Variants in AKT3 observed in about 807,000 individuals in gnomAD.
AKT3 encodes the protein RAC-gamma serine/threonine-protein kinase.
A neutral mutation model predicts 65.3 loss-of-function variants in AKT3; 15 were observed. The ratio of observed to expected loss-of-function variants is 0.23; its 90% confidence interval spans 0.15 to 0.35. The LOEUF (loss-of-function observed/expected upper bound fraction) is 0.35. AKT3 is among the 10% of genes least tolerant of loss of function. The pLI is 1.00. For missense variants in AKT3, 243 were observed against 576.5 expected (o/e 0.42, Z 5.92); for synonymous variants, 206 against 183.8 (o/e 1.12, Z -0.98).
intron 6 of AKT3, among the ~76,000 whole-genome samples, chr1:243,618,733 T>C (rs954645037): frequency 3.3e-5 from 5 of 152,120 alleles, no homozygotes; most frequent in Non-Finnish European, 2.9e-5. Flanking sequence ...GGCAGAAGAA[T>C]AGTCTTTTTA....
At chr1:243,567,153 C>T (rs1240762551) in intron 9 of AKT3, among the ~76,000 whole-genome samples, 4 of 151,964 alleles carry the variant, frequency 2.6e-5, no homozygotes, top group Non-Finnish European at 5.9e-5. Flanking sequence ...TGGTGGTATG[C>T]GCTTGTGGTG....
chr1:243,553,009 C>A, intron 10 of AKT3, 66 bp from the exon 11 acceptor site: 1 of 1,271,538 alleles, frequency 7.9e-7, no homozygotes. Context: ...ATTCATAAAA[C>A]ATAAGATTTT....
intron 2 of AKT3, 34 bp from the exon 3 acceptor site, chr1:243,695,750 A>G: frequency 6.5e-7 from 1 of 1,548,080 alleles, no homozygotes; most frequent in Non-Finnish European, 8.7e-7. Flanking sequence ...TAATGCTGAA[A>G]AAAATGAACA....
chr1:243,728,529 C>CACTA (rs1440359440), intron 2 of AKT3, among the ~76,000 whole-genome samples: 4 of 152,310 alleles, frequency 2.6e-5, no homozygotes, highest in South Asian at 4.1e-4. Context: ...ATCATACTAG[C>CACTA]AATTGTGAAT....
chr1:243,539,166 G>A (rs766817781), intron 12 of AKT3, among the ~76,000 whole-genome samples: 13 of 151,972 alleles, frequency 8.6e-5, no homozygotes, highest in African/African-American at 2.9e-4. Flanking sequence ...CGTACACCCG[G>A]ATTTTCTTCT....
At chr1:243,542,830 A>T (rs180865603) in intron 12 of AKT3, among the ~76,000 whole-genome samples, 1 of 152,174 alleles carries the variant, frequency 6.6e-6, no homozygotes, top group South Asian at 2.1e-4. Context: ...AAAGAAACTC[A>T]AATTTAAAAG....
chr1:243,839,813 T>A (rs1695127892), intron 2 of AKT3, among the ~76,000 whole-genome samples: 1 of 151,470 alleles, frequency 6.6e-6, no homozygotes, highest in South Asian at 2.1e-4. Flanking sequence ...ATAACTTTAT[T>A]ATATCAATTT....
chr1:243,552,598 C>G (rs1673159252), intron 11 of AKT3, 131 bp downstream of exon 11: 2 of 820,852 alleles, frequency 2.4e-6, no homozygotes, highest in South Asian at 1.8e-5. Context: ...AAAAATAAGT[C>G]AGGATCTCAG....
intron 8 of AKT3, among the ~76,000 whole-genome samples, chr1:243,601,685 T>C (rs1433338681): frequency 6.6e-6 from 1 of 152,110 alleles, no homozygotes; most frequent in Non-Finnish European, 1.5e-5. Flanking sequence ...GGGGCAACTA[T>C]ATAAACATAT....
chr1:243,514,186 G>A (rs1156299675), intron 12 of AKT3, among the ~76,000 whole-genome samples: 1 of 151,986 alleles, frequency 6.6e-6, no homozygotes, highest in Non-Finnish European at 1.5e-5. Context: ...GGCTGGAATC[G>A]GCTTCTCTTG....
intron 2 of AKT3, among the ~76,000 whole-genome samples, chr1:243,801,015 T>C (rs1692348665): frequency 1.3e-5 from 2 of 152,158 alleles, no homozygotes; most frequent in African/African-American, 4.8e-5. Context: ...TAAAGCTAAG[T>C]ATGTTGGAAA....
chr1:243,537,955 C>G (rs918517374), intron 12 of AKT3, among the ~76,000 whole-genome samples: 1 of 152,000 alleles, frequency 6.6e-6, no homozygotes, highest in African/African-American at 2.4e-5. Context: ...TTTTCCAAAC[C>G]CAGGGAGGTG....
At chr1:243,642,360 A>G (rs1195584911) in intron 5 of AKT3, among the ~76,000 whole-genome samples, 1 of 152,220 alleles carries the variant, frequency 6.6e-6, no homozygotes, top group African/African-American at 2.4e-5. Flanking sequence ...CCCAGGCTAG[A>G]GTGCAGTGGC....
At chr1:243,779,220 A>G (rs1050049091) in intron 2 of AKT3, among the ~76,000 whole-genome samples, 2 of 152,194 alleles carry the variant, frequency 1.3e-5, no homozygotes, top group Non-Finnish European at 2.9e-5. Context: ...TATATATCAC[A>G]TAACAAACAT....
At chr1:243,566,204 G>A (rs1470932192) in intron 9 of AKT3, among the ~76,000 whole-genome samples, 3 of 152,154 alleles carry the variant, frequency 2.0e-5, no homozygotes, top group African/African-American at 7.2e-5. Context: ...GTGTGTGTAC[G>A]TGTGTGTAAA....
chr1:243,594,471 C>T (rs1175075324), intron 8 of AKT3, among the ~76,000 whole-genome samples: 2 of 152,172 alleles, frequency 1.3e-5, no homozygotes, highest in Non-Finnish European at 2.9e-5. Flanking sequence ...TCAAAATATA[C>T]TCCCAAAGCA....
intron 12 of AKT3, among the ~76,000 whole-genome samples, chr1:243,531,876 A>G (rs1246096982): frequency 1.3e-5 from 2 of 152,148 alleles, no homozygotes; most frequent in Non-Finnish European, 2.9e-5. Flanking sequence ...GCTATTTTAA[A>G]TGAAATTGAT....
chr1:243,589,320 A>G (rs1293962734), intron 8 of AKT3, among the ~76,000 whole-genome samples: 4 of 149,468 alleles, frequency 2.7e-5, no homozygotes, highest in East Asian at 3.9e-4. Flanking sequence ...AAAAAAAAAA[A>G]AAAAGAAAAA....
At chr1:243,758,517 T>C (rs1689283648) in intron 2 of AKT3, among the ~76,000 whole-genome samples, 1 of 152,014 alleles carries the variant, frequency 6.6e-6, no homozygotes, top group Admixed American at 6.5e-5. Flanking sequence ...AGAGAGGTAA[T>C]GAGGAGCCAG....
Sources: allele counts gnomAD v4.1 joint callset (sites outside exome capture counted in the v4.1 genomes callset), GRCh38; gene constraint gnomAD v4.1.1; transcripts MANE v1.5; gene names NCBI Gene and HGNC (gene_info 2026-07-23, HGNC 2026-07-21).